Variants in DGKI observed in about 807,000 individuals in gnomAD.
The protein encoded by DGKI is DAG kinase iota.
In DGKI, 55 loss-of-function variants were observed where a neutral mutation model predicts 147.5. The observed-to-expected ratio is 0.37, with a 90% CI of 0.30 to 0.47. DGKI has a LOEUF of 0.47. Ranked by LOEUF, DGKI falls within the 20% of genes least tolerant of loss-of-function variation. The pLI is 1.00. For synonymous variants in DGKI, 469 were observed against 477.1 expected (o/e 0.98, Z 0.22); for missense variants, 1,007 against 1,323.8 (o/e 0.76, Z 3.71).
At chr7:137,534,026 G>C (rs1469329346) in intron 20 of DGKI, among the ~76,000 whole-genome samples, 1 of 152,050 alleles carries the variant, frequency 6.6e-6, no homozygotes, top group East Asian at 1.9e-4. Context: ...AAGTGTTTCA[G>C]GGTGTTATGA....
chr7:137,661,860 C>T (rs1486977008), intron 3 of DGKI, among the ~76,000 whole-genome samples: 2 of 152,160 alleles, frequency 1.3e-5, no homozygotes, highest in Admixed American at 6.5e-5. Context: ...AGGGGAGGAA[C>T]CTTCCTAAGC....
chr7:137,771,449 A>G, intron 1 of DGKI: 1 of 152,340 alleles, frequency 6.6e-6, no homozygotes, highest in East Asian at 1.9e-4. Context: ...CAAGATTCAC[A>G]TTGCATCATA....
chr7:137,729,591 T>C (rs1055377687), intron 1 of DGKI, among the ~76,000 whole-genome samples: 1 of 152,154 alleles, frequency 6.6e-6, no homozygotes, highest in Non-Finnish European at 1.5e-5. Flanking sequence ...CACTTCCAAG[T>C]TGTGCTTCCG....
At chr7:137,583,196 A>G (rs528968554) in intron 14 of DGKI, among the ~76,000 whole-genome samples, 2 of 152,208 alleles carry the variant, frequency 1.3e-5, no homozygotes, top group Non-Finnish European at 2.9e-5. Context: ...TTCAAAGCCT[A>G]TGTAATGATT....
chr7:137,451,494 C>T (rs555520991), intron 27 of DGKI, among the ~76,000 whole-genome samples: 10 of 152,246 alleles, frequency 6.6e-5, no homozygotes, highest in East Asian at 1.9e-4. Context: ...TCTAGTAGAT[C>T]GATTACAAGG....
At chr7:137,634,093 C>A (rs894615423) in intron 6 of DGKI, among the ~76,000 whole-genome samples, 1 of 152,144 alleles carries the variant, frequency 6.6e-6, no homozygotes, top group Non-Finnish European at 1.5e-5. Context: ...CCTCTCCAAT[C>A]TAAAGAAAAA....
At chr7:137,804,022 A>G (rs1298448701) in intron 1 of DGKI, among the ~76,000 whole-genome samples, 1 of 152,220 alleles carries the variant, frequency 6.6e-6, no homozygotes, top group Non-Finnish European at 1.5e-5. Context: ...CCTTTGTGAG[A>G]GTAAGTGACA....
intron 5 of DGKI, among the ~76,000 whole-genome samples, chr7:137,646,754 A>T (rs7787201): frequency 0.093 from 14,146 of 152,184 alleles, 1,880 homozygotes; most frequent in African/African-American, 0.3. Context: ...ATTATTCAAA[A>T]TTTTCCTACA....
At chr7:137,526,765 T>C (rs1312646470) in intron 20 of DGKI, among the ~76,000 whole-genome samples, 1 of 152,138 alleles carries the variant, frequency 6.6e-6, no homozygotes, top group African/African-American at 2.4e-5. Flanking sequence ...ATTGTTCCCA[T>C]GTAGAATTTC....
intron 1 of DGKI, among the ~76,000 whole-genome samples, chr7:137,776,666 C>G (rs1319961831): frequency 4.6e-5 from 7 of 152,136 alleles, no homozygotes; most frequent in South Asian, 2.1e-4. Flanking sequence ...TTTCATATAA[C>G]CACGCAATCG....
chr7:137,452,645 A>G (rs1814016988), intron 27 of DGKI, among the ~76,000 whole-genome samples: 1 of 152,166 alleles, frequency 6.6e-6, no homozygotes, highest in African/African-American at 2.4e-5. Flanking sequence ...CAGCAAAAAG[A>G]CCACTTTCTA....
At chr7:137,674,918 G>A (rs936957824) in intron 3 of DGKI, among the ~76,000 whole-genome samples, 1 of 152,130 alleles carries the variant, frequency 6.6e-6, no homozygotes, top group East Asian at 1.9e-4. Context: ...AAGGCACATC[G>A]TAGATGATGG....
intron 3 of DGKI, among the ~76,000 whole-genome samples, chr7:137,676,193 G>C (rs763135975): frequency 6.6e-6 from 1 of 152,218 alleles, no homozygotes. Context: ...GGCAGCTGAT[G>C]ATGAGCCTGC....
chr7:137,797,997 C>G (rs1797085215), intron 1 of DGKI, among the ~76,000 whole-genome samples: 1 of 151,996 alleles, frequency 6.6e-6, no homozygotes, highest in African/African-American at 2.4e-5. Flanking sequence ...AGAAGGAAGA[C>G]TCAAATTACT....
intron 19 of DGKI, among the ~76,000 whole-genome samples, chr7:137,556,517 C>G (rs1264635132): frequency 2.0e-5 from 3 of 152,056 alleles, no homozygotes; most frequent in Non-Finnish European, 2.9e-5. Flanking sequence ...GGCTGATACA[C>G]TGTTGAATTA....
At chr7:137,717,741 G>C (rs1794422314) in intron 1 of DGKI, among the ~76,000 whole-genome samples, 1 of 152,158 alleles carries the variant, frequency 6.6e-6, no homozygotes, top group Non-Finnish European at 1.5e-5. Context: ...AGAAGAAAAA[G>C]ATTAAGTTCT....
intron 20 of DGKI, among the ~76,000 whole-genome samples, chr7:137,531,832 G>C (rs1585204279): frequency 6.6e-6 from 1 of 152,104 alleles, no homozygotes; most frequent in African/African-American, 2.4e-5. Context: ...AACACTTGTG[G>C]TCTTTCATAC....
intron 20 of DGKI, among the ~76,000 whole-genome samples, chr7:137,523,613 G>A (rs569146984): frequency 2.6e-5 from 4 of 152,092 alleles, no homozygotes; most frequent in African/African-American, 9.7e-5. Context: ...ATTTCTGGGG[G>A]AAATTTGAAA....
chr7:137,446,732 A>G (rs2128918631), intron 27 of DGKI, among the ~76,000 whole-genome samples: 1 of 152,260 alleles, frequency 6.6e-6, no homozygotes, highest in Non-Finnish European at 1.5e-5. Context: ...GTCTCAAAAA[A>G]GAAAGAAAGA....
Sources: allele counts gnomAD v4.1 joint callset (sites outside exome capture counted in the v4.1 genomes callset), GRCh38; gene constraint gnomAD v4.1.1; transcripts MANE v1.5; gene names NCBI Gene and HGNC (gene_info 2026-07-23, HGNC 2026-07-21).